Variants in STXBP4 observed in about 807,000 individuals in gnomAD.
STXBP4 encodes the protein syntaxin-binding protein 4.
A neutral mutation model predicts 76.1 loss-of-function variants in STXBP4; 55 were observed. The ratio of observed to expected loss-of-function variants is 0.72; its 90% CI spans 0.58 to 0.91. The LOEUF is 0.91. Ranked by LOEUF, STXBP4 falls within the 40% of genes least tolerant of loss-of-function variation. The pLI is 0.00. For synonymous variants in STXBP4, 201 were observed against 220.2 expected (o/e 0.91, Z 0.77); for missense variants, 618 against 636.9 (o/e 0.97, Z 0.32).
intron 1 of STXBP4, among the ~76,000 whole-genome samples, chr17:54,978,636 A>G (rs888182661): frequency 6.6e-6 from 1 of 152,176 alleles, no homozygotes; most frequent in Non-Finnish European, 1.5e-5. Flanking sequence ...GAAAGAGCTG[A>G]TATTTAGATG....
At chr17:54,991,291 G>A (rs2077713460) in intron 4 of STXBP4, 1 of 156,162 alleles carries the variant, frequency 6.4e-6, no homozygotes. Flanking sequence ...TTTTTATTAA[G>A]TTGGATCAGT....
At chr17:55,058,466 A>G (rs1324456630) in intron 12 of STXBP4, among the ~76,000 whole-genome samples, 1 of 152,156 alleles carries the variant, frequency 6.6e-6, no homozygotes, top group African/African-American at 2.4e-5. Flanking sequence ...CTTGTTTTTT[A>G]TTATCTACCT....
chr17:55,004,029 A>T (rs75384059), intron 7 of STXBP4, among the ~76,000 whole-genome samples: 1 of 151,906 alleles, frequency 6.6e-6, no homozygotes, highest in Non-Finnish European at 1.5e-5. Context: ...AAAAAAAAAA[A>T]TTAGCCAGGC....
At position 55,089,078 on chromosome 17, in the gene STXBP4, T is replaced by C. The variant is rs78155053; in HGVS notation, c.1489+7895T>C. Among the ~76,000 whole-genome samples the C allele has an allele frequency of 7.2e-3, 1,094 of 152,284 alleles. 16 individuals are homozygous for C. Among genetic ancestry groups the C allele is most frequent in the African/African-American group, 0.025 (1,034 of 41,546 alleles). On this transcript the variant is annotated intron_variant, in intron 16 of 17. Transcript: ENST00000376352. ...ATTGCTTAATTTCTAGGTCTGTTTT[T>C]GCATATAAAAAGTGGATCTCATAAT...
intron 3 of STXBP4, among the ~76,000 whole-genome samples, chr17:54,988,034 T>A (rs1415093370): frequency 6.6e-6 from 1 of 152,144 alleles, no homozygotes; most frequent in Non-Finnish European, 1.5e-5. Context: ...TAAAATAAGG[T>A]CCTAGTCATG....
chr17:54,984,335 TTTTC>T (rs1306647569), intron 1 of STXBP4, among the ~76,000 whole-genome samples: 4,617 of 92,344 alleles, frequency 0.05, 296 homozygotes, highest in African/African-American at 0.17. Context: ...TCTTTTTCTT[TTTTC>T]TTTTTTTTTT....
intron 16 of STXBP4, among the ~76,000 whole-genome samples, chr17:55,086,440 A>T (rs1356562429): frequency 6.6e-6 from 1 of 152,162 alleles, no homozygotes; most frequent in Non-Finnish European, 1.5e-5. Flanking sequence ...ACTATATAGT[A>T]CATTATTGTT....
chr17:55,102,135 T>C (rs562516575), intron 16 of STXBP4, among the ~76,000 whole-genome samples: 2 of 152,298 alleles, frequency 1.3e-5, no homozygotes, highest in East Asian at 3.9e-4. Flanking sequence ...TCTCATTTTT[T>C]TTTTTTTATA....
chr17:55,022,353 A>G (rs1429800388), intron 8 of STXBP4, among the ~76,000 whole-genome samples: 1 of 151,894 alleles, frequency 6.6e-6, no homozygotes, highest in East Asian at 1.9e-4. Context: ...ATGGCAATGA[A>G]GGAGGTTGTC....
At position 55,072,994 on chromosome 17, in the gene STXBP4, A is replaced by G; in HGVS notation, c.1106A>G (p.Asp369Gly). ...AGACAGGCACATGGAATGGAAATGG[A>G]CTATGAAGAAGTGATCCGTCTGTTA... ...AQRQAHGMEM[D>G]YEEVIRLLEA... Residue 369 changes from aspartate to glycine, a missense_variant, in exon 13 of 18, where the codon GAC becomes GGC. Physicochemically the swap from Asp to Gly is moderately conservative, Grantham distance 94. Transcript: ENST00000376352. 6.2e-7 allele frequency: 1 copy of G among 1,614,034 alleles called. No homozygotes were observed. The highest frequency in any genetic ancestry group is 8.5e-7 in the Non-Finnish European group (1 of 1,179,922).
chr17:55,041,735 A>T (rs763855117), intron 10 of STXBP4, among the ~76,000 whole-genome samples: 1 of 152,104 alleles, frequency 6.6e-6, no homozygotes, highest in East Asian at 1.9e-4. Flanking sequence ...ACAAGTTATT[A>T]TACTTTTTTT....
chr17:55,065,666 G>T, intron 12 of STXBP4, among the ~76,000 whole-genome samples: 1 of 151,166 alleles, frequency 6.6e-6, no homozygotes, highest in African/African-American at 2.4e-5. Flanking sequence ...GAAAATACAT[G>T]TTCAAGGTTA....
chr17:55,194,672 T>C, the STXBP4 span, among the ~76,000 whole-genome samples: 3,388 of 152,292 alleles, frequency 0.022, 126 homozygotes, highest in African/African-American at 0.077. Context: ...CAAGCATCAA[T>C]CATAGGTTCC....
chr17:55,021,212 T>C (rs933442088), intron 8 of STXBP4, among the ~76,000 whole-genome samples: 3 of 152,068 alleles, frequency 2.0e-5, no homozygotes, highest in African/African-American at 7.2e-5. Context: ...TTGCAGGTTT[T>C]AAGCCATCAA....
At chr17:55,212,409 T>C in the STXBP4 span, among the ~76,000 whole-genome samples, 1 of 152,214 alleles carries the variant, frequency 6.6e-6, no homozygotes, top group Admixed American at 6.5e-5. Flanking sequence ...ATTCTTAGGT[T>C]ATAGATTATA....
At position 55,093,615 on chromosome 17, in the gene STXBP4, G is replaced by A. The variant is rs147768064; in HGVS notation, c.1489+12432G>A. On this transcript the variant is annotated intron_variant, in intron 16 of 17. Transcript: ENST00000376352. ...TGTTTCAAACTGAAAGTAGGTCACTGTTGTAAGGTTCCATTAAGAAAATAT... is the reference window on the plus strand; with the variant it reads ...TGTTTCAAACTGAAAGTAGGTCACTATTGTAAGGTTCCATTAAGAAAATAT... Among the ~76,000 whole-genome samples the A allele has an allele frequency of 3.7e-3, 558 of 152,300 alleles. 3 individuals are homozygous for A. The highest frequency in any genetic ancestry group is 0.013 in the African/African-American group (537 of 41,570).
chr17:55,034,307 C>A, intron 10 of STXBP4, 48 bp downstream of exon 10: 2 of 1,356,306 alleles, frequency 1.5e-6, no homozygotes, highest in South Asian at 1.5e-5. Context: ...AGTCACAAGT[C>A]TTGAATGTTA....
At chr17:55,151,780 A>G (rs1206728384) in intron 17 of STXBP4, among the ~76,000 whole-genome samples, 1 of 152,238 alleles carries the variant, frequency 6.6e-6, no homozygotes. Context: ...TTAGCTAAAA[A>G]TAGTATTTGC....
rs542537640 is a variant in STXBP4, at chr17:55,078,619, G to A, written c.1306-67G>A. On this transcript the variant is annotated intron_variant, in intron 14 of 17. Coordinates refer to ENST00000376352, the MANE Select transcript of STXBP4 (RefSeq NM_178509.6). ...GACAGAGGAGGTTATAAATATTAAT[G>A]AAGAAAAGATATTTTTTAAAAACTG... is the stretch of plus-strand genomic sequence containing the variant. 7 of 997,418 alleles carry A rather than the reference G, an allele frequency of 7.0e-6. No individual in the cohort carries two copies. The East Asian group carries it at 1.5e-4, about 21-fold the overall frequency. 61.8% of individuals were successfully genotyped at this position (997,418 alleles called of 1,614,324 possible).
Sources: allele counts gnomAD v4.1 joint callset (sites outside exome capture counted in the v4.1 genomes callset), GRCh38; gene constraint gnomAD v4.1.1; transcripts MANE v1.5; gene names NCBI Gene and HGNC (gene_info 2026-07-23, HGNC 2026-07-21).